Variants in TRIM65 observed in about 807,000 individuals in gnomAD.
TRIM65 encodes the protein E3 ubiquitin-protein ligase TRIM65.
TRIM65 carries 46 observed loss-of-function variants against 36.1 expected under a neutral mutation model. That is an observed-to-expected ratio of 1.27 (90% CI 1.01 to 1.63). The LOEUF (loss-of-function observed/expected upper bound fraction) is 1.63. Among genes scored for constraint, TRIM65 ranks in the 40% most tolerant of loss-of-function variants. The pLI, the probability that TRIM65 is intolerant of heterozygous loss-of-function variation, is 0.00. For synonymous variants in TRIM65, 346 were observed against 313.6 expected (o/e 1.10, Z -1.09); for missense variants, 708 against 696.6 (o/e 1.02, Z -0.18).
intron 5 of TRIM65, 31 bp downstream of exon 5, chr17:75,891,781 CA>C (rs752139414): frequency 3.1e-6 from 5 of 1,594,818 alleles, no homozygotes; most frequent in Admixed American, 1.7e-5. Context: ...CACGCACACA[CA>C]GGGGCACACA....
At chr17:75,880,334 C>CTTTTTT (rs112950190), downstream of TRIM65, 1 of 133,044 alleles carries the variant, frequency 7.5e-6, no homozygotes, top group Admixed American at 7.5e-5. Flanking sequence ...TTCAAATGTC[C>CTTTTTT]TTTTTTTTTT....
At chr17:75,892,879 CAAGAG>C in intron 1 of TRIM65, 29 bp from the exon 2 acceptor site, 1 of 1,587,076 alleles carries the variant, frequency 6.3e-7, no homozygotes, top group Non-Finnish European at 8.6e-7. Context: ...GGACAAGCAA[CAAGAG>C]AAGGCCAGGA....
rs1330322606 is a variant in TRIM65 at position 75,892,252 on chromosome 17, CCT to C, written c.744+13_744+14del. On this transcript the variant is annotated intron_variant, in intron 3 of 5. Coordinates refer to ENST00000269383, the MANE Select transcript of TRIM65 (RefSeq NM_173547.4). The stretch of plus-strand genomic sequence containing the variant: ...AGGGAAGCAAGTCCGCCACCTATGC[CCT>C]GAGCCCTCGCACCTGCAGGAAGGTC... 3 of 1,606,184 alleles carry C rather than the reference CCT, an allele frequency of 1.9e-6. No homozygotes were observed. The highest frequency in any genetic ancestry group is 1.3e-5 in the African/African-American group (1 of 74,754).
At chr17:75,892,546 C>T in intron 2 of TRIM65, 46 bp from the exon 3 acceptor site, 1 of 1,552,436 alleles carries the variant, frequency 6.4e-7, no homozygotes, top group South Asian at 1.1e-5. Flanking sequence ...GGCCCTGTGC[C>T]ATACCAAGGG....
rs144843810 is a variant in TRIM65 at position 75,892,371 on chromosome 17, G to A, written c.640C>T (p.Arg214Ter). Residue 214 changes from arginine to a stop codon, truncating the protein, a stop_gained, in exon 3 of 6, where the codon CGA becomes TGA. Transcript: ENST00000269383. LOFTEE classifies it high-confidence loss of function. Reference protein sequence around the residue: ...VAKTQALAQARDEEQRLRVHL... With the variant: ...VAKTQALAQA ...ACCCGCAGCCGCTGCTCCTCGTCTC[G>A]AGCCTGTGCCAGCGCCTGCGTCTTG... 99 of 1,613,536 alleles carry A rather than the reference G, an allele frequency of 6.1e-5. No individual in the cohort carries two copies. In the East Asian group the frequency reaches 9.6e-4, roughly 16 times the overall value.
chr17:75,884,970 T>C (rs2065196522), downstream of TRIM65, among the ~76,000 whole-genome samples: 2 of 146,228 alleles, frequency 1.4e-5, no homozygotes, highest in African/African-American at 5.2e-5. Context: ...AGAGTCTTGC[T>C]CTGTGACCCA....
At chr17:75,886,680 CA>C (rs1482966329), downstream of TRIM65, among the ~76,000 whole-genome samples, 1 of 152,126 alleles carries the variant, frequency 6.6e-6, no homozygotes, top group Non-Finnish European at 1.5e-5. Flanking sequence ...CTGTCTTTCA[CA>C]ACCTCTCCTG....
chr17:75,894,454 C>A (rs1169243138), intron 1 of TRIM65, among the ~76,000 whole-genome samples: 1 of 152,258 alleles, frequency 6.6e-6, no homozygotes, highest in African/African-American at 2.4e-5. Flanking sequence ...CTCTTCCTGG[C>A]ACCCCTGTCT....
rs1423151420 is a variant in TRIM65 at position 75,892,843 on chromosome 17, AGCTGG to A, written c.417_421del (p.Gln140GlufsTer102). On this transcript the variant is annotated frameshift_variant and splice_region_variant, in exon 2 of 6. Coordinates refer to ENST00000269383, the MANE Select transcript of TRIM65 (RefSeq NM_173547.4). LOFTEE classifies it high-confidence loss of function. ...CTGGGTAACCTCCAGGCTGGCTCTC[AGCTGG>A]GCCTGTGGTGCGGGCCCACGGGACA... 2 of 1,602,182 alleles carry A rather than the reference AGCTGG, an allele frequency of 1.2e-6. No homozygotes were observed. The highest frequency in any genetic ancestry group is 2.2e-5 in the East Asian group (1 of 44,880).
downstream of TRIM65, chr17:75,888,892 G>A (rs901079805): frequency 1.9e-4 from 27 of 139,136 alleles, no homozygotes; most frequent in Admixed American, 1.3e-3. Flanking sequence ...TGGGGTCGTC[G>A]TGGGAGGTTT....
At position 75,891,996 on chromosome 17, in the gene TRIM65, TG is replaced by T; in HGVS notation, c.919+14del. The T allele has an allele frequency of 6.4e-7, 1 of 1,551,786 alleles. No homozygotes were observed. Among genetic ancestry groups the T allele is most frequent in the Non-Finnish European group, 8.7e-7 (1 of 1,146,670 alleles). ...GGACCCAGGACAGCAGGGGGAGGCC[TG>T]GGGTCAGTCTTACCCACGGGGGCTA... On this transcript the variant is annotated intron_variant, in intron 4 of 5. Transcript: ENST00000269383.
Position 75,896,947 on chromosome 17 carries a change from G to C in TRIM65, c.-10C>G, listed in dbSNP as rs1437488351. ...GCAGCTGCGCGGCCATGGCCCGGCG[G>C]CGGCGAGAGCCAGGCGGGCCCCGGG... On this transcript the variant is annotated 5_prime_UTR_variant, in exon 1 of 6. Coordinates refer to ENST00000269383, the MANE Select transcript of TRIM65 (RefSeq NM_173547.4). 1 of 1,485,916 alleles carries C rather than the reference G, an allele frequency of 6.7e-7. No homozygotes were observed. Among genetic ancestry groups the C allele is most frequent in the Non-Finnish European group, 8.9e-7 (1 of 1,123,508 alleles). 92.0% of individuals were successfully genotyped at this position (1,485,916 alleles called of 1,614,324 possible). A position where few individuals can be genotyped will look rare whatever the true frequency, so the allele number is the denominator to read the frequency against.
chr17:75,888,336 G>A (rs2065225894), downstream of TRIM65, among the ~76,000 whole-genome samples: 1 of 149,438 alleles, frequency 6.7e-6, no homozygotes, highest in Admixed American at 6.6e-5. Context: ...CTGGGCGACA[G>A]AGCAAGACTC....
In TRIM65 at chr17:75,891,171, C is replaced by G. The variant is rs1469457084; in HGVS notation, c.1162G>C (p.Val388Leu). The change falls in exon 6 of 6, where the codon GTG becomes CTG. Residue 388 changes from valine (V) to leucine (L), a missense_variant. Transcript: ENST00000269383. ...GTCACCGAGTGGTCTGACGCGCGCA[C>G]CTCCCAGTAGTGGTGCCCGGCCTGG... is the stretch of plus-strand genomic sequence containing the variant. Reference protein sequence around the residue: ...SFQAGHHYWEVRASDHSVTLG... With the variant: ...SFQAGHHYWELRASDHSVTLG... 1 of 1,610,442 alleles carries G rather than the reference C, an allele frequency of 6.2e-7. No homozygotes were observed. The highest frequency in any genetic ancestry group is 8.5e-7 in the Non-Finnish European group (1 of 1,179,948).
Position 75,891,358 on chromosome 17 carries a change from AAGG to A in TRIM65, c.986-14_986-12del. On this transcript the variant is annotated splice_polypyrimidine_tract_variant and intron_variant, in intron 5 of 5. Coordinates refer to ENST00000269383, the MANE Select transcript of TRIM65 (RefSeq NM_173547.4). ...TCAGATTGCGATAATCTGTTGGGGA[AAGG>A]AGGACAGCAGTGGGCTGGGGGAAGA... is the stretch of plus-strand genomic sequence containing the variant. 6 of 1,612,938 alleles carry A rather than the reference AAGG, an allele frequency of 3.7e-6. No individual in the cohort carries two copies. The highest frequency in any genetic ancestry group is 5.1e-6 in the Non-Finnish European group (6 of 1,179,670).
At chr17:75,892,211 C>T (rs2065279161) in intron 3 of TRIM65, 26 bp from the exon 4 acceptor site, 1 of 1,582,272 alleles carries the variant, frequency 6.3e-7, no homozygotes, top group Non-Finnish European at 8.6e-7. Context: ...AACAAGTAAG[C>T]CTGGGCCTGA....
chr17:75,881,020 C>T (rs1315726927), intron 4 of TRIM65, among the ~76,000 whole-genome samples: 4 of 149,890 alleles, frequency 2.7e-5, no homozygotes, highest in Admixed American at 6.6e-5. Context: ...CTGAGGCGGG[C>T]GGATCACTTG....
chr17:75,892,623 C>G, intron 2 of TRIM65, 123 bp from the exon 3 acceptor site: 1 of 1,216,338 alleles, frequency 8.2e-7, no homozygotes, highest in Non-Finnish European at 1.2e-6. Flanking sequence ...TCCCGGGAAC[C>G]TCCCCAGGAC....
chr17:75,888,278 G>A (rs1054132542), downstream of TRIM65, among the ~76,000 whole-genome samples: 1 of 151,080 alleles, frequency 6.6e-6, no homozygotes. Flanking sequence ...GCTTGAACCC[G>A]GGAGGCGGAG....
Sources: allele counts gnomAD v4.1 joint callset (sites outside exome capture counted in the v4.1 genomes callset), GRCh38; gene constraint gnomAD v4.1.1; transcripts MANE v1.5; gene names NCBI Gene and HGNC (gene_info 2026-07-23, HGNC 2026-07-21).